The following MACF1 variants were observed in gnomAD, a reference collection of about 807,000 sequenced individuals.
The protein encoded by MACF1 is microtubule actin crosslinking factor 1, also known as microtubule-actin cross-linking factor 1.
A neutral mutation model predicts 854.8 loss-of-function variants in MACF1; 193 were observed. The observed-to-expected ratio is 0.23, with a 90% CI of 0.20 to 0.25. The LOEUF (loss-of-function observed/expected upper bound fraction) is 0.25, where lower values mean the gene tolerates loss of function less well. Ranked by LOEUF, MACF1 falls within the 10% of genes least tolerant of loss-of-function variation. MACF1 has a pLI of 1.00. For synonymous variants in MACF1, 3,185 were observed against 3,226.7 expected (o/e 0.99, Z 0.44); for missense variants, 7,722 against 8,929.1 (o/e 0.86, Z 5.45).
intron 84 of MACF1, among the ~76,000 whole-genome samples, chr1:39,450,612 T>G (rs1392772263): frequency 7.1e-6 from 1 of 141,286 alleles, no homozygotes; most frequent in Non-Finnish European, 1.5e-5. Flanking sequence ...CTCTATTTCT[T>G]TTTTTTTTTT....
At chr1:39,268,375 C>A in intron 6 of MACF1, 1 of 870,778 alleles carries the variant, frequency 1.1e-6, no homozygotes, top group Non-Finnish European at 1.4e-6. Flanking sequence ...GAGGGCAGTG[C>A]TCCAATTACC....
intron 2 of MACF1, among the ~76,000 whole-genome samples, chr1:39,233,808 T>TTTTTTTTTTTTTTTTTTTTTG (rs755591226): frequency 3.0e-5 from 2 of 65,772 alleles, no homozygotes; most frequent in African/African-American, 4.3e-5. Flanking sequence ...ATTTATTTTT[T>TTTTTTTTTTTTTTTTTTTTTG]ATTGATAATT....
intron 43 of MACF1, among the ~76,000 whole-genome samples, chr1:39,351,881 C>A (rs1366701621): frequency 6.6e-6 from 1 of 152,090 alleles, no homozygotes; most frequent in Non-Finnish European, 1.5e-5. Flanking sequence ...AGTCACCATG[C>A]CTGGCCAAAT....
chr1:39,411,699 A>T (rs1643014159), intron 58 of MACF1: 1 of 1,613,836 alleles, frequency 6.2e-7, no homozygotes, highest in African/African-American at 1.3e-5. Flanking sequence ...TATGTGAAGA[A>T]GGAGTAACTC....
intron 2 of MACF1, among the ~76,000 whole-genome samples, chr1:39,182,731 C>T (rs1035090001): frequency 1.3e-5 from 2 of 152,006 alleles, no homozygotes; most frequent in Non-Finnish European, 2.9e-5. Context: ...ATTGGAACAC[C>T]CCCAACATTG....
chr1:39,207,125 G>T (rs1571173368), intron 1 of MACF1, among the ~76,000 whole-genome samples: 1 of 151,998 alleles, frequency 6.6e-6, no homozygotes, highest in East Asian at 1.9e-4. Flanking sequence ...TTATAATAGT[G>T]AAGTGGGTAA....
At chr1:39,427,362 C>G in intron 61 of MACF1, 93 bp from the exon 62 acceptor site, 1 of 1,092,540 alleles carries the variant, frequency 9.2e-7, no homozygotes, top group South Asian at 1.6e-5. Context: ...TAAACTATAC[C>G]TGGAAAAGAC....
At chr1:39,379,181 A>G in intron 53 of MACF1, 22 bp from the exon 54 acceptor site, 1 of 1,548,336 alleles carries the variant, frequency 6.5e-7, no homozygotes, top group Non-Finnish European at 8.7e-7. Flanking sequence ...CTCCAATCTG[A>G]TTTCTGTTTC....
At chr1:39,169,537 T>C (rs542617027) in intron 2 of MACF1, among the ~76,000 whole-genome samples, 1 of 149,218 alleles carries the variant, frequency 6.7e-6, no homozygotes, top group East Asian at 2.0e-4. Flanking sequence ...GCCCAGGAGG[T>C]CCAGGCTGCA....
intron 85 of MACF1, among the ~76,000 whole-genome samples, chr1:39,451,750 G>T (rs559530959): frequency 1.3e-5 from 2 of 152,306 alleles, no homozygotes; most frequent in South Asian, 4.1e-4. Flanking sequence ...GGAAACGTTA[G>T]TATAATGGTT....
intron 36 of MACF1, among the ~76,000 whole-genome samples, chr1:39,327,613 G>T (rs1006001310): frequency 1.3e-5 from 2 of 152,200 alleles, no homozygotes; most frequent in African/African-American, 4.8e-5. Context: ...TTTTGTGGCA[G>T]ACAGCAGTCT....
chr1:39,242,814 G>A (rs1644940719), intron 2 of MACF1, among the ~76,000 whole-genome samples: 2 of 151,690 alleles, frequency 1.3e-5, no homozygotes, highest in Admixed American at 6.6e-5. Flanking sequence ...GGAGGCTGAG[G>A]TGAGATGATC....
intron 57 of MACF1, 121 bp from the exon 58 acceptor site, chr1:39,387,066 T>C: frequency 9.4e-7 from 1 of 1,064,472 alleles, no homozygotes; most frequent in Non-Finnish European, 1.4e-6. Context: ...ATGCCTCTTT[T>C]TGGTAGGCCC....
At chr1:39,459,893 G>T in intron 91 of MACF1, 2 of 1,243,718 alleles carry the variant, frequency 1.6e-6, no homozygotes, top group South Asian at 2.5e-5. Flanking sequence ...AGCTTATTGG[G>T]TTCTTGGTGC....
intron 2 of MACF1, among the ~76,000 whole-genome samples, chr1:39,098,403 G>A (rs1205160880): frequency 6.6e-6 from 1 of 152,232 alleles, no homozygotes; most frequent in Non-Finnish European, 1.5e-5. Context: ...TGCTAGCTCT[G>A]CCTAGGGCAA....
intron 97 of MACF1, among the ~76,000 whole-genome samples, chr1:39,474,030 G>A (rs1359200698): frequency 6.6e-6 from 1 of 152,144 alleles, no homozygotes; most frequent in Admixed American, 6.5e-5. Context: ...TAGTAGGGAA[G>A]ATCACTTCAG....
chr1:39,476,475 G>A (rs1467196437), intron 97 of MACF1, among the ~76,000 whole-genome samples: 1 of 151,984 alleles, frequency 6.6e-6, no homozygotes, highest in Non-Finnish European at 1.5e-5. Context: ...GGAGGCTGAG[G>A]CAGAAGAATC....
intron 7 of MACF1, among the ~76,000 whole-genome samples, chr1:39,282,613 T>C (rs1295088100): frequency 6.6e-6 from 1 of 152,198 alleles, no homozygotes; most frequent in Non-Finnish European, 1.5e-5. Flanking sequence ...GAATAGGTAA[T>C]AAATGTATGC....
chr1:39,439,942 A>G (rs1644064755), intron 72 of MACF1, among the ~76,000 whole-genome samples: 2 of 152,000 alleles, frequency 1.3e-5, no homozygotes, highest in African/African-American at 4.8e-5. Context: ...CTCCAATTGA[A>G]AAAAACCTGC....
Sources: allele counts gnomAD v4.1 joint callset (sites outside exome capture counted in the v4.1 genomes callset), GRCh38; gene constraint gnomAD v4.1.1; transcripts MANE v1.5; gene names NCBI Gene and HGNC (gene_info 2026-07-23, HGNC 2026-07-21).